PDE1A: variants seen among roughly 807,000 people sequenced by gnomAD.
PDE1A encodes the protein dual specificity calcium/calmodulin-dependent 3',5'-cyclic nucleotide phosphodiesterase 1A.
A neutral mutation model predicts 61.7 loss-of-function variants in PDE1A; 35 were observed. The ratio of observed to expected loss-of-function variants is 0.57; its 90% CI spans 0.43 to 0.75. PDE1A has a LOEUF of 0.75. PDE1A is among the 30% of genes least tolerant of loss of function. The probability of loss-of-function intolerance (pLI) is 0.00; values close to 1 mark genes in which losing one functional copy is unlikely to be tolerated. For missense variants in PDE1A, 597 were observed against 630.6 expected, an observed-to-expected ratio of 0.95 and a Z score of 0.57; for synonymous variants, 232 against 213.2, an observed-to-expected ratio of 1.09 and a Z score of -0.77.
chr2:182,437,390 T>A (rs1191024870), intron 2 of PDE1A, among the ~76,000 whole-genome samples: 1 of 151,940 alleles, frequency 6.6e-6, no homozygotes, highest in Non-Finnish European at 1.5e-5. Flanking sequence ...TCTCTACCTT[T>A]TCTCTAAATC....
rs189093725 is a variant in PDE1A, at chr2:182,247,568, C to A, written c.168-7276G>T. Among the ~76,000 whole-genome samples the A allele has an allele frequency of 4.6e-5, 7 of 152,284 alleles. No individual in the cohort carries two copies. In the East Asian group the frequency reaches 1.4e-3, roughly 29 times the overall value. ...CATTTTCCCTTTCCCTCGTACCCGCCTTGTACTCTGTGTCTTCTTCCGTCT... is the reference window on the plus strand; with the variant it reads ...CATTTTCCCTTTCCCTCGTACCCGCATTGTACTCTGTGTCTTCTTCCGTCT... On this transcript the variant is annotated intron_variant, in intron 2 of 13. Coordinates refer to ENST00000351439, the Ensembl canonical transcript of PDE1A.
chr2:182,376,968 T>C (rs959730419), intron 1 of PDE1A, among the ~76,000 whole-genome samples: 4 of 152,184 alleles, frequency 2.6e-5, no homozygotes, highest in Admixed American at 6.5e-5. Context: ...ACTGCCCCCA[T>C]GATTCAAATT....
At chr2:182,432,429 T>C (rs1487398932) in intron 2 of PDE1A, among the ~76,000 whole-genome samples, 3 of 151,272 alleles carry the variant, frequency 2.0e-5, no homozygotes, top group Non-Finnish European at 4.4e-5. Flanking sequence ...TTTGCTGTTG[T>C]TGTTGTTGTT....
At chr2:182,192,849 C>T (rs1006577111) in intron 10 of PDE1A, among the ~76,000 whole-genome samples, 1 of 152,058 alleles carries the variant, frequency 6.6e-6, no homozygotes, top group African/African-American at 2.4e-5. Flanking sequence ...TTTTTAAATG[C>T]CTTCCTACCA....
intron 1 of PDE1A, among the ~76,000 whole-genome samples, chr2:182,396,643 ATTTATTGAC>A (rs1701721778): frequency 6.6e-6 from 1 of 151,902 alleles, no homozygotes; most frequent in Non-Finnish European, 1.5e-5. Flanking sequence ...GTAACATAAG[ATTTATTGAC>A]TTCATGTCAT....
At chr2:182,623,468 G>A in the PDE1A span, among the ~76,000 whole-genome samples, 2 of 152,168 alleles carry the variant, frequency 1.3e-5, no homozygotes, top group Admixed American at 6.5e-5. Context: ...GGCCTGGGAC[G>A]CAGGGTTCTT....
intron 1 of PDE1A, among the ~76,000 whole-genome samples, chr2:182,401,042 G>C (rs976057567): frequency 1.3e-5 from 2 of 151,924 alleles, no homozygotes; most frequent in African/African-American, 4.8e-5. Flanking sequence ...ACCCTCTGAG[G>C]CTTCCTCCAC....
intron 1 of PDE1A, among the ~76,000 whole-genome samples, chr2:182,305,044 C>T (rs376045891): frequency 1.3e-5 from 2 of 152,048 alleles, no homozygotes; most frequent in East Asian, 1.9e-4. Context: ...TCCCCAGAGT[C>T]GCTCAGTAGG....
At chr2:182,361,991 G>A (rs551618104) in intron 1 of PDE1A, among the ~76,000 whole-genome samples, 5 of 151,930 alleles carry the variant, frequency 3.3e-5, no homozygotes, top group Admixed American at 6.6e-5. Context: ...CCACAGAATC[G>A]TTACTATCCT....
upstream of PDE1A, among the ~76,000 whole-genome samples, chr2:182,527,450 T>TG (rs1690796538): frequency 2.1e-5 from 3 of 144,586 alleles, no homozygotes; most frequent in South Asian, 6.8e-4. Flanking sequence ...CCCTGCTACT[T>TG]GGGGGGCTGA....
intron 1 of PDE1A, among the ~76,000 whole-genome samples, chr2:182,272,111 C>T (rs924874336): frequency 6.6e-6 from 1 of 151,950 alleles, no homozygotes; most frequent in African/African-American, 2.4e-5. Context: ...ATTAGAGAGC[C>T]GGTTTGGGAG....
At chr2:182,165,206 A>G (rs542566812), downstream of PDE1A, among the ~76,000 whole-genome samples, 72 of 152,286 alleles carry the variant, frequency 4.7e-4, no homozygotes, top group African/African-American at 1.7e-3. Flanking sequence ...ACTACTTATC[A>G]TCACCTCTAG....
intron 8 of PDE1A, among the ~76,000 whole-genome samples, chr2:182,204,505 C>T (rs551631454): frequency 7.2e-5 from 11 of 152,274 alleles, no homozygotes; most frequent in Non-Finnish European, 1.3e-4. Flanking sequence ...CCTCCTCAGC[C>T]CACTCCACAT....
chr2:182,579,948 A>T, the PDE1A span, among the ~76,000 whole-genome samples: 1 of 152,230 alleles, frequency 6.6e-6, no homozygotes, highest in East Asian at 1.9e-4. Flanking sequence ...ATTTCACTAT[A>T]GCTGATCATG....
chr2:182,198,015 T>C (rs1686278195), intron 10 of PDE1A, among the ~76,000 whole-genome samples: 2 of 152,074 alleles, frequency 1.3e-5, no homozygotes, highest in South Asian at 4.1e-4. Flanking sequence ...CTTAGAAATA[T>C]TGAGTCTTTC....
chr2:182,560,064 CTT>C, the PDE1A span, among the ~76,000 whole-genome samples: 13 of 140,384 alleles, frequency 9.3e-5, no homozygotes, highest in South Asian at 4.7e-4. Flanking sequence ...GATAGGGATT[CTT>C]TTTTTTTTTT....
upstream of PDE1A, among the ~76,000 whole-genome samples, chr2:182,427,446 C>A (rs79542141): frequency 3.9e-5 from 6 of 152,064 alleles, no homozygotes; most frequent in Non-Finnish European, 8.8e-5. Flanking sequence ...ATGTCTGTAC[C>A]CAAATGTGGT....
the PDE1A span, among the ~76,000 whole-genome samples, chr2:182,541,990 T>C: frequency 2.0e-5 from 3 of 152,098 alleles, no homozygotes; most frequent in African/African-American, 7.2e-5. Context: ...ACCTATCAAT[T>C]CCAAATCCAA....
Position 182,194,481 on chromosome 2 carries a change from C to T in PDE1A, c.1126-5421G>A, listed in dbSNP as rs533416301. On this transcript the variant is annotated intron_variant, in intron 10 of 13. Transcript: ENST00000351439. ...AGGTGTGTTGATCTGCATGAAAACT[C>T]GAGGAGACATTAATTGTATTAATAA... Among the ~76,000 whole-genome samples, 3 of 152,052 alleles carry T rather than the reference C, an allele frequency of 2.0e-5. No individual in the cohort carries two copies. The South Asian group carries it at 6.2e-4, about 32-fold the overall frequency.
Sources: allele counts gnomAD v4.1 joint callset (sites outside exome capture counted in the v4.1 genomes callset), GRCh38; gene constraint gnomAD v4.1.1; transcripts MANE v1.5; gene names NCBI Gene and HGNC (gene_info 2026-07-23, HGNC 2026-07-21).